The following SEMA4G variants were observed in gnomAD, a reference collection of about 807,000 sequenced individuals.
The protein encoded by SEMA4G is semaphorin 4G.
SEMA4G carries 59 observed loss-of-function variants against 81.2 expected under a neutral mutation model. The ratio of observed to expected loss-of-function variants is 0.73; its 90% CI spans 0.59 to 0.90. The LOEUF (loss-of-function observed/expected upper bound fraction) is 0.90. SEMA4G is among the 40% of genes least tolerant of loss of function. The probability of loss-of-function intolerance (pLI) is 0.00; values close to 1 mark genes in which losing one functional copy is unlikely to be tolerated. For synonymous variants in SEMA4G, 404 were observed against 433.9 expected (o/e 0.93, Z 0.86); for missense variants, 952 against 1,102.3 (o/e 0.86, Z 1.93).
At position 100,984,181 on chromosome 10, in the gene SEMA4G, G is replaced by C. The variant is rs1851301714; in HGVS notation, c.*50G>C. ...CTTCCAAGCCAGCCTATCTGTCCCA[G>C]GCTGGGCCACTGCCTCCCTAACACA... On this transcript the variant is annotated 3_prime_UTR_variant, in exon 14 of 14. Transcript: ENST00000370250. 11 of 1,552,358 alleles carry C rather than the reference G, an allele frequency of 7.1e-6. No homozygotes were observed. The East Asian group carries it at 2.2e-4, about 32-fold the overall frequency.
At chr10:100,978,572 C>G in exon 6 of SEMA4G, 2 of 1,614,160 alleles carry the variant, frequency 1.2e-6, no homozygotes, top group Non-Finnish European at 1.7e-6. Context: ...CGGAGCATTC[C>G]TGACATCCGC....
chr10:100,973,675 T>G lies in SEMA4G; in HGVS notation c.336+66T>G. 1 of 1,470,770 alleles carries G rather than the reference T, an allele frequency of 6.8e-7. No individual in the cohort carries two copies. The allele number at this position is 1,470,770 out of a possible 1,614,324, so 91.1% of individuals were successfully genotyped here. ...CTTCCTCAATCAGGGATGCCAGGAT[T>G]GTTGGGGACACAGATGGGTAGGTAC... On this transcript the variant is annotated intron_variant, in intron 3 of 13. Coordinates refer to ENST00000370250, the Ensembl canonical transcript of SEMA4G. This position sits in a 1 kb window ranked among gnomAD's most constrained non-coding sequence, Gnocchi z 5.5.
rs1386472605 is a variant in SEMA4G, at chr10:100,984,054, G to A, written c.2440G>A (p.Ala814Thr). The change falls in exon 14 of 14, where the codon GCC (alanine) becomes ACC (threonine). Residue 814 changes from alanine to threonine, a missense_variant. Ala to Thr is a moderately conservative substitution (Grantham distance 58, BLOSUM62 0). Transcript: ENST00000370250. ...AGTACCAGCAGGGCCCTGCTCCTTC[G>A]CCGAGGAACTCAGCCGCATCCTGGA... 8 of 1,613,554 alleles carry A rather than the reference G, an allele frequency of 5.0e-6. No individual in the cohort carries two copies. The highest frequency in any genetic ancestry group is 1.1e-5 in the South Asian group (1 of 91,084).
At chr10:100,973,000 C>T in exon 1 of SEMA4G, 1 of 1,614,136 alleles carries the variant, frequency 6.2e-7, no homozygotes. Flanking sequence ...GTCTAGAGAA[C>T]TAGATGCCAC....
At chr10:100,985,490 T>C (rs1851404319), downstream of SEMA4G, 1 of 152,692 alleles carries the variant, frequency 6.5e-6, no homozygotes, top group Non-Finnish European at 1.5e-5. Context: ...ATTGTGAGAA[T>C]GGCTACACTT....
exon 14 of SEMA4G, chr10:100,984,665 TCTC>T (rs1399901647): frequency 2.6e-6 from 4 of 1,536,170 alleles, no homozygotes; most frequent in African/African-American, 1.4e-5. Context: ...ACCCTCACCT[TCTC>T]CTGGTGCATT....
upstream of SEMA4G, among the ~76,000 whole-genome samples, chr10:100,971,137 C>T (rs148638080): frequency 7.2e-5 from 11 of 152,150 alleles, no homozygotes; most frequent in East Asian, 2.1e-3. Context: ...TGTGTGTGTG[C>T]ACCCATGTGC....
chr10:100,983,921 G>T, exon 14 of SEMA4G: 1 of 144,462 alleles, frequency 6.9e-6, no homozygotes, highest in South Asian at 6.8e-5. Flanking sequence ...CACCCCCACC[G>T]CCCCCACCGC....
At chr10:100,971,095 T>C (rs1281874323), upstream of SEMA4G, among the ~76,000 whole-genome samples, 2 of 148,384 alleles carry the variant, frequency 1.3e-5, no homozygotes, top group Non-Finnish European at 3.0e-5. Context: ...AATCCACGTG[T>C]TCACAGTCCT....
Position 100,983,162 on chromosome 10 carries a change from T to C in SEMA4G, c.1691-143T>C, listed in dbSNP as rs562794292. 39 of 1,026,312 alleles carry C rather than the reference T, an allele frequency of 3.8e-5. No individual in the cohort carries two copies. The East Asian group carries it at 1.0e-3, about 27-fold the overall frequency. The allele number at this position is 1,026,312 out of a possible 1,614,324, so 63.6% of individuals were successfully genotyped here. On this transcript the variant is annotated intron_variant, in intron 13 of 13. Coordinates refer to ENST00000370250, the Ensembl canonical transcript of SEMA4G. The stretch of plus-strand genomic sequence containing the variant: ...CCAACGTGAACCTTCTGTGGAAGCA[T>C]GAGCACAGAGCCTGGGTCAGCTGTC...
chr10:100,973,364 C>T lies in SEMA4G; in HGVS notation c.273+87C>T, dbSNP rs1433102047. ...TCAACTTCCTTAAAACCCTGCCAGCCTTCCATAGCCCCCTGGTCAGACAGC... is the reference window on the plus strand; with the variant it reads ...TCAACTTCCTTAAAACCCTGCCAGCTTTCCATAGCCCCCTGGTCAGACAGC... On this transcript the variant is annotated intron_variant, in intron 2 of 13. Coordinates refer to ENST00000370250, the Ensembl canonical transcript of SEMA4G. This position sits in a 1 kb window ranked among gnomAD's most constrained non-coding sequence, Gnocchi z 5.5. The T allele has an allele frequency of 1.3e-6, 2 of 1,529,526 alleles. No homozygotes were observed. Among genetic ancestry groups the T allele is most frequent in the Admixed American group, 1.9e-5 (1 of 53,850 alleles). The allele number at this position is 1,529,526 out of a possible 1,614,324, so 94.7% of individuals were successfully genotyped here.
At position 100,980,568 on chromosome 10, in the gene SEMA4G, TCCATA is replaced by T. The variant is rs759015236; in HGVS notation, c.1352-6_1352-2del. 5 of 1,611,744 alleles carry T rather than the reference TCCATA, an allele frequency of 3.1e-6. No homozygotes were observed. In the African/African-American group the frequency reaches 6.7e-5, roughly 21 times the overall value. ...AGTTGGGGTCTAACTCTCTGCTCTT[TCCATA>T]CCAGCTGATGGCTGGATCCACAAGG... On this transcript the variant is annotated splice_polypyrimidine_tract_variant and splice_region_variant and intron_variant, in intron 10 of 13. Transcript: ENST00000370250.
exon 14 of SEMA4G, chr10:100,983,620 T>C: frequency 6.2e-7 from 1 of 1,614,076 alleles, no homozygotes; most frequent in Non-Finnish European, 8.5e-7. Context: ...GGGGCACAGC[T>C]GGCACCTGAT....
rs190201835 is a variant in SEMA4G, at chr10:100,981,192, G to A, written c.1653G>A (p.Glu551=). 3 of 1,614,276 alleles carry A rather than the reference G, an allele frequency of 1.9e-6. No homozygotes were observed. In the East Asian group the frequency reaches 6.7e-5, roughly 36 times the overall value. Residue 551 remains glutamate (E), a synonymous_variant, in exon 13 of 14, where the codon GAG becomes GAA. Coordinates refer to ENST00000370250, the Ensembl canonical transcript of SEMA4G. ...GGACAGCACTGATACAGGACATAGAGAGAGGAAATCGAGGCTGTGAGAGCA... is the reference window on the plus strand; with the variant it reads ...GGACAGCACTGATACAGGACATAGAAAGAGGAAATCGAGGCTGTGAGAGCA...
At chr10:100,976,259 GGTGA>G (rs1466889881) in intron 3 of SEMA4G, among the ~76,000 whole-genome samples, 1 of 152,188 alleles carries the variant, frequency 6.6e-6, no homozygotes, top group African/African-American at 2.4e-5. Flanking sequence ...GCTGGAGTAG[GGTGA>G]GTGAGACCAG....
chr10:100,984,635 G>C, exon 14 of SEMA4G: 1 of 1,536,106 alleles, frequency 6.5e-7, no homozygotes, highest in Non-Finnish European at 8.7e-7. Flanking sequence ...AATGTTTATC[G>C]GCTGGGCTGC....
upstream of SEMA4G, among the ~76,000 whole-genome samples, chr10:100,971,883 C>A (rs1334005128): frequency 2.0e-5 from 3 of 152,176 alleles, no homozygotes; most frequent in African/African-American, 7.2e-5. Context: ...AGACATTATA[C>A]CTGTGCAACC....
Position 100,977,635 on chromosome 10 carries a change from G to A in SEMA4G, c.340G>A (p.Glu114Lys). The change falls in exon 4 of 14, where the codon GAG becomes AAG. Residue 114 changes from glutamate to lysine, a missense_variant. Around this residue, in one of 3 missense-constraint regions of SEMA4G, gnomAD observed 436 missense variants for 488.2 expected, o/e 0.89. Coordinates refer to ENST00000370250, the Ensembl canonical transcript of SEMA4G. ...CCCTCTCCACCTCATCCCACAGACG[G>A]AGTGCTTTAACCATGTGCGGTTCCT... 2 of 1,613,910 alleles carry A rather than the reference G, an allele frequency of 1.2e-6. No individual in the cohort carries two copies. Among genetic ancestry groups the A allele is most frequent in the Non-Finnish European group, 1.7e-6 (2 of 1,179,818 alleles).
At chr10:100,977,326 A>T (rs565920413) in intron 3 of SEMA4G, among the ~76,000 whole-genome samples, 2 of 152,318 alleles carry the variant, frequency 1.3e-5, no homozygotes, top group South Asian at 4.1e-4. Context: ...GAAGCACCTC[A>T]GGATGGTGGA....
Sources: allele counts gnomAD v4.1 joint callset (sites outside exome capture counted in the v4.1 genomes callset), GRCh38; gene constraint gnomAD v4.1.1; regional missense constraint gnomAD v4.1.1; non-coding constraint Gnocchi (gnomAD v3.1); transcripts MANE v1.5; gene names NCBI Gene and HGNC (gene_info 2026-07-23, HGNC 2026-07-21).